Variants in LDB2 observed in about 807,000 individuals in gnomAD.
LDB2 encodes LIM domain binding 2, also known as LIM domain-binding protein 2.
LDB2 carries 12 observed loss-of-function variants against 44.3 expected under a neutral mutation model. The observed-to-expected ratio is 0.27, with a 90% CI of 0.17 to 0.44. The LOEUF (loss-of-function observed/expected upper bound fraction) is 0.44, where lower values mean the gene tolerates loss of function less well. Among genes scored for constraint, LDB2 ranks in the 20% least tolerant of loss-of-function variants. The pLI is 1.00. For missense variants in LDB2, 344 were observed against 473.5 expected (o/e 0.73, Z 2.54); for synonymous variants, 164 against 174.8 (o/e 0.94, Z 0.49).
intron 2 of LDB2, among the ~76,000 whole-genome samples, chr4:16,729,942 A>G (rs1760386312): frequency 6.6e-6 from 1 of 152,096 alleles, no homozygotes; most frequent in African/African-American, 2.4e-5. Context: ...TAACTGTTTA[A>G]TATTAGGGCA....
chr4:16,729,183 A>G (rs2152694146), intron 2 of LDB2, among the ~76,000 whole-genome samples: 1 of 152,334 alleles, frequency 6.6e-6, no homozygotes, highest in South Asian at 2.1e-4. Flanking sequence ...TCAGACTTCA[A>G]AACAAACTTC....
At chr4:16,562,515 G>A (rs997061935) in intron 5 of LDB2, among the ~76,000 whole-genome samples, 10 of 152,188 alleles carry the variant, frequency 6.6e-5, no homozygotes, top group African/African-American at 1.9e-4. Flanking sequence ...ACCACAATGA[G>A]ATACCATCTC....
intron 2 of LDB2, among the ~76,000 whole-genome samples, chr4:16,748,012 T>C (rs944959945): frequency 2.0e-5 from 3 of 152,210 alleles, no homozygotes; most frequent in Non-Finnish European, 2.9e-5. Context: ...CATAATGTAT[T>C]TTTTAAGGAA....
At chr4:16,551,021 A>G (rs1258424952) in intron 5 of LDB2, among the ~76,000 whole-genome samples, 1 of 152,212 alleles carries the variant, frequency 6.6e-6, no homozygotes, top group Admixed American at 6.5e-5. Flanking sequence ...ACTTTTTTGT[A>G]CACCATTTAC....
chr4:16,620,725 AG>A (rs1423807044), intron 2 of LDB2, among the ~76,000 whole-genome samples: 4 of 152,162 alleles, frequency 2.6e-5, no homozygotes, highest in African/African-American at 9.7e-5. Context: ...CAAGCTCTAC[AG>A]GGAATGTGTG....
chr4:16,536,965 G>A (rs1237003471), intron 5 of LDB2, among the ~76,000 whole-genome samples: 1 of 152,206 alleles, frequency 6.6e-6, no homozygotes, highest in Non-Finnish European at 1.5e-5. Context: ...CAGTGCTGGT[G>A]CTTTGTCAAT....
rs543064779 is a variant in LDB2, at chr4:16,814,114, C to T, written c.133-54854G>A. On this transcript the variant is annotated intron_variant, in intron 1 of 7. Coordinates refer to ENST00000304523, the MANE Select transcript of LDB2 (RefSeq NM_001290.5). ...CTCGATCTCCTGACCTCGTGATCCG[C>T]CCGCCTCGGCCTTCCAAAGTGTTGG... 2.0e-5 allele frequency among the ~76,000 whole-genome samples: 3 copies of T among 152,292 alleles called. No homozygotes were observed. In the East Asian group the frequency reaches 5.8e-4, roughly 30 times the overall value.
intron 2 of LDB2, among the ~76,000 whole-genome samples, chr4:16,626,476 C>A: frequency 6.6e-6 from 1 of 152,210 alleles, no homozygotes; most frequent in East Asian, 1.9e-4. Context: ...CATATGTCAA[C>A]AACTTTGAAA....
intron 1 of LDB2, among the ~76,000 whole-genome samples, chr4:16,822,132 T>A (rs1034918176): frequency 2.6e-5 from 4 of 151,876 alleles, no homozygotes; most frequent in Non-Finnish European, 4.4e-5. Flanking sequence ...AAAAGTTGAC[T>A]GAGATAATTC....
chr4:16,784,751 AC>A (rs1166698033), intron 1 of LDB2, among the ~76,000 whole-genome samples: 1 of 152,146 alleles, frequency 6.6e-6, no homozygotes, highest in Non-Finnish European at 1.5e-5. Flanking sequence ...ATGGTAGCCC[AC>A]CACTCTCTCC....
At chr4:16,740,602 C>G (rs567172419) in intron 2 of LDB2, among the ~76,000 whole-genome samples, 80 of 152,352 alleles carry the variant, frequency 5.3e-4, no homozygotes, top group African/African-American at 1.7e-3. Flanking sequence ...TAATGTGATA[C>G]TTGTCTAATA....
chr4:16,536,755 G>A (rs1026900253), intron 5 of LDB2, among the ~76,000 whole-genome samples: 1 of 152,226 alleles, frequency 6.6e-6, no homozygotes, highest in Non-Finnish European at 1.5e-5. Flanking sequence ...CCTTCCCAAA[G>A]ATTGTGCAGG....
chr4:16,774,023 C>T (rs554753792), intron 1 of LDB2, among the ~76,000 whole-genome samples: 48 of 119,316 alleles, frequency 4.0e-4, no homozygotes, highest in African/African-American at 1.2e-3. Flanking sequence ...GGCGTGCTGG[C>T]GCATGCCTAT....
chr4:16,588,365 T>TTA (rs1717747415), intron 4 of LDB2, among the ~76,000 whole-genome samples: 1 of 152,184 alleles, frequency 6.6e-6, no homozygotes, highest in African/African-American at 2.4e-5. Context: ...CATTCCCCAG[T>TTA]TATACATAAC....
chr4:16,643,489 C>T (rs1735793269), intron 2 of LDB2, among the ~76,000 whole-genome samples: 1 of 152,140 alleles, frequency 6.6e-6, no homozygotes, highest in South Asian at 2.1e-4. Flanking sequence ...TCTTTGCTAT[C>T]ATCATTATCA....
intron 1 of LDB2, among the ~76,000 whole-genome samples, chr4:16,819,101 T>C (rs868734094): frequency 0.01 from 1,395 of 139,052 alleles, 17 homozygotes; most frequent in South Asian, 0.048. Flanking sequence ...CTTGTGTGTG[T>C]GTGTGTGTGT....
chr4:16,585,900 A>G (rs1392205318), intron 5 of LDB2, 22 bp downstream of exon 5: 1 of 1,596,098 alleles, frequency 6.3e-7, no homozygotes, highest in East Asian at 2.2e-5. Flanking sequence ...ACCAAAAAAT[A>G]AAATCATTCG....
intron 1 of LDB2, among the ~76,000 whole-genome samples, chr4:16,894,827 T>G (rs1724443436): frequency 6.6e-6 from 1 of 152,122 alleles, no homozygotes; most frequent in Non-Finnish European, 1.5e-5. Flanking sequence ...ACCTACTTGG[T>G]CCAGGAACTA....
At chr4:16,759,933 G>A (rs1321286754) in intron 1 of LDB2, among the ~76,000 whole-genome samples, 1 of 152,178 alleles carries the variant, frequency 6.6e-6, no homozygotes, top group African/African-American at 2.4e-5. Flanking sequence ...CTGTTTGTTT[G>A]TTTTGGGTTG....
Sources: allele counts gnomAD v4.1 joint callset (sites outside exome capture counted in the v4.1 genomes callset), GRCh38; gene constraint gnomAD v4.1.1; transcripts MANE v1.5; gene names NCBI Gene and HGNC (gene_info 2026-07-23, HGNC 2026-07-21).